LIMCH1: variants seen among roughly 807,000 people sequenced by gnomAD.
LIMCH1 encodes the protein LIM and calponin homology domains 1.
In LIMCH1, 113 loss-of-function variants were observed where a neutral mutation model predicts 176.5. The observed-to-expected ratio is 0.64, with a 90% confidence interval of 0.55 to 0.75. LIMCH1 has a LOEUF of 0.75. Among genes scored for constraint, LIMCH1 ranks in the 30% least tolerant of loss-of-function variants. The pLI is 0.00. For missense variants in LIMCH1, 1,674 were observed against 1,814.9 expected, an observed-to-expected ratio of 0.92 and a Z score of 1.41; for synonymous variants, 619 against 645.9, an observed-to-expected ratio of 0.96 and a Z score of 0.63.
rs139697872 is a variant in LIMCH1 at position 41,619,351 on chromosome 4, G to A, written c.369G>A (p.Ala123=). 4.9e-5 allele frequency: 79 copies of A among 1,614,014 alleles called. No homozygotes were observed. The African/African-American group carries it at 6.5e-4, about 13-fold the overall frequency. The part of the protein sequence containing the change: ...NKSNQTAYVP[A]PLRKKKAERE... The stretch of plus-strand genomic sequence containing the variant: ...GCAATCAGACGGCCTACGTCCCCGC[G>A]CCTCTGAGAAAGAAGAAAGCAGAGA... Residue 123 remains alanine (A), a synonymous_variant, in exon 6 of 32, where the codon GCG becomes GCA. Transcript: ENST00000503057.
intron 4 of LIMCH1, among the ~76,000 whole-genome samples, chr4:41,606,622 G>T (rs2090747943): frequency 6.6e-6 from 1 of 152,120 alleles, no homozygotes; most frequent in Non-Finnish European, 1.5e-5. Context: ...GTAGGGATTT[G>T]TCAAGGAAAC....
At chr4:41,674,821 G>T (rs955948645) in intron 22 of LIMCH1, among the ~76,000 whole-genome samples, 2 of 152,066 alleles carry the variant, frequency 1.3e-5, no homozygotes, top group South Asian at 2.1e-4. Flanking sequence ...TGGCTGTTTG[G>T]GTATTTGAAG....
intron 1 of LIMCH1, among the ~76,000 whole-genome samples, chr4:41,412,638 A>T (rs1241042513): frequency 6.6e-6 from 1 of 152,218 alleles, no homozygotes; most frequent in Non-Finnish European, 1.5e-5. Context: ...TTATATTCTA[A>T]TACCATCATG....
intron 1 of LIMCH1, among the ~76,000 whole-genome samples, chr4:41,408,320 T>G (rs2059170244): frequency 6.6e-6 from 1 of 152,192 alleles, no homozygotes; most frequent in African/African-American, 2.4e-5. Flanking sequence ...AGACTCGCCC[T>G]GAGAAATACT....
At chr4:41,597,606 C>T (rs1230126292) in intron 1 of LIMCH1, among the ~76,000 whole-genome samples, 1 of 152,162 alleles carries the variant, frequency 6.6e-6, no homozygotes, top group Non-Finnish European at 1.5e-5. Flanking sequence ...CCTATCTGAA[C>T]ATCTTCCAAG....
chr4:41,585,745 C>T (rs186722790), intron 1 of LIMCH1, among the ~76,000 whole-genome samples: 25 of 152,230 alleles, frequency 1.6e-4, no homozygotes, highest in African/African-American at 4.3e-4. Context: ...GAGTGTGAAG[C>T]GATATCTCAT....
chr4:41,643,835 C>T (rs2093937205), intron 14 of LIMCH1, among the ~76,000 whole-genome samples: 1 of 152,172 alleles, frequency 6.6e-6, no homozygotes, highest in Non-Finnish European at 1.5e-5. Flanking sequence ...ACTGCACTAT[C>T]AATTACAGCA....
At chr4:41,477,401 TC>T in intron 1 of LIMCH1, among the ~76,000 whole-genome samples, 3 of 152,030 alleles carry the variant, frequency 2.0e-5, no homozygotes, top group Middle Eastern at 6.8e-3. Context: ...GGCTGGGTGT[TC>T]CCCCCACCAT....
At chr4:41,603,975 C>A in intron 3 of LIMCH1, 70 bp downstream of exon 3, 1 of 1,311,544 alleles carries the variant, frequency 7.6e-7, no homozygotes, top group South Asian at 1.3e-5. Context: ...TTCAGTGTTT[C>A]TCATATGCCT....
At chr4:41,683,549 C>T (rs926109537) in intron 26 of LIMCH1, among the ~76,000 whole-genome samples, 1 of 152,212 alleles carries the variant, frequency 6.6e-6, no homozygotes, top group Non-Finnish European at 1.5e-5. Context: ...TGCACACACA[C>T]AGCATACCAG....
At chr4:41,489,616 A>T (rs1388270688) in intron 1 of LIMCH1, among the ~76,000 whole-genome samples, 1 of 152,282 alleles carries the variant, frequency 6.6e-6, no homozygotes, top group East Asian at 1.9e-4. Flanking sequence ...TTATTAGCTT[A>T]GAATTTAATT....
At chr4:41,505,275 G>C (rs1303099074) in intron 2 of LIMCH1, among the ~76,000 whole-genome samples, 1 of 152,064 alleles carries the variant, frequency 6.6e-6, no homozygotes, top group Non-Finnish European at 1.5e-5. Context: ...ATTGTTTTTG[G>C]AAATAGTCCA....
chr4:41,409,481 G>C lies in LIMCH1; in HGVS notation c.96+48545G>C, dbSNP rs138129010. On this transcript the variant is annotated intron_variant, in intron 1 of 26. Coordinates refer to the LIMCH1 transcript ENST00000313860. ...CAGAAAATGTATCTAGTGATAACTA[G>C]TAATAGCTTGACATTGGGAAAATAT... Among the ~76,000 whole-genome samples the C allele has an allele frequency of 5.8e-3, 884 of 152,270 alleles. 5 individuals carry two copies. The highest frequency in any genetic ancestry group is 0.02 in the African/African-American group (818 of 41,562).
intron 1 of LIMCH1, among the ~76,000 whole-genome samples, chr4:41,586,889 C>T (rs1026907821): frequency 2.0e-5 from 3 of 152,138 alleles, no homozygotes; most frequent in South Asian, 2.1e-4. Flanking sequence ...CAAGAGCCAA[C>T]GGAGTCTTTG....
intron 22 of LIMCH1, among the ~76,000 whole-genome samples, chr4:41,674,242 C>T (rs1186366647): frequency 1.3e-5 from 2 of 152,192 alleles, no homozygotes; most frequent in African/African-American, 2.4e-5. Context: ...TTCCTGAGAG[C>T]ACCGCCTAGT....
intron 1 of LIMCH1, among the ~76,000 whole-genome samples, chr4:41,481,389 G>T (rs1042950503): frequency 6.6e-6 from 1 of 152,230 alleles, no homozygotes; most frequent in Non-Finnish European, 1.5e-5. Context: ...CATCCTTGCT[G>T]CTAGCTAGTT....
chr4:41,584,682 T>C (rs2086134746), intron 1 of LIMCH1, among the ~76,000 whole-genome samples: 2 of 152,212 alleles, frequency 1.3e-5, no homozygotes, highest in African/African-American at 4.8e-5. Context: ...TTTTTTTTGT[T>C]TGTTTGTTTG....
chr4:41,675,027 T>C (rs577208033), intron 22 of LIMCH1, among the ~76,000 whole-genome samples: 12 of 152,250 alleles, frequency 7.9e-5, no homozygotes, highest in African/African-American at 2.6e-4. Flanking sequence ...TAAGCTAGTA[T>C]CCCTAGATTA....
At chr4:41,538,881 G>A (rs189661667) in intron 1 of LIMCH1, among the ~76,000 whole-genome samples, 6 of 152,278 alleles carry the variant, frequency 3.9e-5, no homozygotes, top group African/African-American at 1.4e-4. Flanking sequence ...GGGAGGCAGG[G>A]AGGAGTCTGG....
Sources: allele counts gnomAD v4.1 joint callset (sites outside exome capture counted in the v4.1 genomes callset), GRCh38; gene constraint gnomAD v4.1.1; transcripts MANE v1.5; gene names NCBI Gene and HGNC (gene_info 2026-07-23, HGNC 2026-07-21).